LRRC4C: variants seen among roughly 807,000 people sequenced by gnomAD.
The protein encoded by LRRC4C is leucine-rich repeat-containing protein 4C.
In LRRC4C, 5 loss-of-function variants were observed where a neutral mutation model predicts 33.6. The ratio of observed to expected loss-of-function variants is 0.15; its 90% CI spans 0.08 to 0.31. The LOEUF (loss-of-function observed/expected upper bound fraction) is 0.31. Among genes scored for constraint, LRRC4C ranks in the 10% least tolerant of loss-of-function variants. LRRC4C has a pLI of 1.00. For synonymous variants in LRRC4C, 329 were observed against 302.0 expected (o/e 1.09, Z -0.93); for missense variants, 560 against 796.7 (o/e 0.70, Z 3.58).
chr11:40,444,492 C>T (rs573763731), intron 3 of LRRC4C, among the ~76,000 whole-genome samples: 1 of 151,270 alleles, frequency 6.6e-6, no homozygotes, highest in South Asian at 2.1e-4. Flanking sequence ...TTAATGTGTG[C>T]TGAGTTTAAC....
chr11:40,536,497 C>G (rs1956479647), intron 3 of LRRC4C, among the ~76,000 whole-genome samples: 1 of 149,158 alleles, frequency 6.7e-6, no homozygotes, highest in Non-Finnish European at 1.5e-5. Flanking sequence ...CGGCCCCAAA[C>G]AGTCTGTTTT....
intron 3 of LRRC4C, among the ~76,000 whole-genome samples, chr11:40,460,385 A>G (rs1190191485): frequency 6.6e-6 from 1 of 152,128 alleles, no homozygotes; most frequent in Admixed American, 6.6e-5. Context: ...TAGCTAAAAA[A>G]CAAACATGGC....
intron 2 of LRRC4C, among the ~76,000 whole-genome samples, chr11:40,695,600 A>G (rs1196445379): frequency 1.3e-5 from 2 of 152,158 alleles, no homozygotes; most frequent in African/African-American, 4.8e-5. Context: ...CAAGGGGGCT[A>G]AAGTCACGAT....
chr11:41,344,224 T>TC (rs1419416044), intron 1 of LRRC4C, among the ~76,000 whole-genome samples: 1 of 133,032 alleles, frequency 7.5e-6, no homozygotes, highest in African/African-American at 2.7e-5. Context: ...TGTGAAGCCT[T>TC]TCTTTTTTTT....
chr11:41,235,066 A>T (rs1489910904), intron 1 of LRRC4C, among the ~76,000 whole-genome samples: 1 of 151,806 alleles, frequency 6.6e-6, no homozygotes, highest in African/African-American at 2.4e-5. Flanking sequence ...ACATGTGGAT[A>T]AAAAAAAGAG....
intron 2 of LRRC4C, among the ~76,000 whole-genome samples, chr11:40,933,204 T>C (rs980199165): frequency 6.6e-6 from 1 of 152,206 alleles, no homozygotes; most frequent in Non-Finnish European, 1.5e-5. Context: ...CAACTGCAGT[T>C]AGAAAGCAGA....
intron 1 of LRRC4C, among the ~76,000 whole-genome samples, chr11:40,999,702 C>T (rs1439811273): frequency 6.6e-6 from 1 of 152,038 alleles, no homozygotes; most frequent in Non-Finnish European, 1.5e-5. Flanking sequence ...ATATGCTGGA[C>T]ACTATGTGAG....
Position 40,694,651 on chromosome 11 carries a change from A to G in LRRC4C, c.-406-46373T>C, listed in dbSNP as rs373002773. ...ACAGAACTCAAGTTCCAAGTGCCACAAGGCAACAAAGTGTCTTAGGCTAAT... is the reference window on the plus strand; with the variant it reads ...ACAGAACTCAAGTTCCAAGTGCCACGAGGCAACAAAGTGTCTTAGGCTAAT... On this transcript the variant is annotated intron_variant, in intron 2 of 6. Transcript: ENST00000528697. Among the ~76,000 whole-genome samples the G allele has an allele frequency of 4.6e-5, 7 of 152,264 alleles. 1 individual carries two copies. Among genetic ancestry groups the G allele is most frequent in the African/African-American group, 1.7e-4 (7 of 41,566 alleles).
intron 2 of LRRC4C, among the ~76,000 whole-genome samples, chr11:40,912,306 A>G (rs1005348926): frequency 0.088 from 13,368 of 151,834 alleles, 820 homozygotes; most frequent in African/African-American, 0.17. Context: ...GAAAGGTTGG[A>G]TTACCCACAA....
chr11:41,212,457 G>A (rs1422395439), intron 1 of LRRC4C, among the ~76,000 whole-genome samples: 1 of 152,216 alleles, frequency 6.6e-6, no homozygotes, highest in African/African-American at 2.4e-5. Flanking sequence ...ATGATGTGCA[G>A]GTTTGTTACA....
chr11:40,201,065 C>A (rs535805080), intron 5 of LRRC4C, among the ~76,000 whole-genome samples: 159 of 152,212 alleles, frequency 1.0e-3, no homozygotes, highest in African/African-American at 3.7e-3. Context: ...TGTGCACATG[C>A]ATGCAGGGAG....
At chr11:40,146,598 C>T (rs544886177) in intron 5 of LRRC4C, among the ~76,000 whole-genome samples, 2 of 152,264 alleles carry the variant, frequency 1.3e-5, no homozygotes, top group South Asian at 4.1e-4. Flanking sequence ...CACTCTCCAA[C>T]CTGTAGAAAA....
chr11:41,079,170 G>GTA (rs1349726675), intron 1 of LRRC4C, among the ~76,000 whole-genome samples: 10 of 152,106 alleles, frequency 6.6e-5, no homozygotes, highest in Non-Finnish European at 1.5e-4. Context: ...ACTACATTTG[G>GTA]TTATGCAAAT....
chr11:40,895,711 C>T (rs1243476891), intron 2 of LRRC4C, among the ~76,000 whole-genome samples: 2 of 152,058 alleles, frequency 1.3e-5, no homozygotes, highest in East Asian at 3.9e-4. Context: ...ATTCATTTGG[C>T]CACTGGATAC....
At chr11:40,448,436 T>A (rs1443974269) in intron 3 of LRRC4C, among the ~76,000 whole-genome samples, 1 of 151,990 alleles carries the variant, frequency 6.6e-6, no homozygotes, top group African/African-American at 2.4e-5. Flanking sequence ...GTGTGTGATA[T>A]TCCCCTCCCT....
At chr11:41,231,802 C>T (rs1331231632) in intron 1 of LRRC4C, among the ~76,000 whole-genome samples, 2 of 151,244 alleles carry the variant, frequency 1.3e-5, no homozygotes, top group Non-Finnish European at 2.9e-5. Flanking sequence ...TGTATATATA[C>T]AAATATATGT....
intron 5 of LRRC4C, among the ~76,000 whole-genome samples, chr11:40,183,122 C>A (rs1329147787): frequency 6.6e-6 from 1 of 151,992 alleles, no homozygotes; most frequent in Non-Finnish European, 1.5e-5. Flanking sequence ...AAAAAATGTA[C>A]CTTGCAAATT....
At chr11:40,427,625 C>T (rs1000916288) in intron 3 of LRRC4C, among the ~76,000 whole-genome samples, 3 of 152,082 alleles carry the variant, frequency 2.0e-5, no homozygotes, top group Admixed American at 6.5e-5. Flanking sequence ...GCCAGGAATT[C>T]GAAACCAGAG....
intron 3 of LRRC4C, among the ~76,000 whole-genome samples, chr11:40,353,987 G>A (rs757848493): frequency 5.9e-5 from 9 of 152,098 alleles, no homozygotes; most frequent in Non-Finnish European, 1.0e-4. Flanking sequence ...CTACCCATCT[G>A]TCTTAGAAAC....
Sources: gnomAD v4.1 joint callset for allele counts (sites outside exome capture counted in the v4.1 genomes callset) on GRCh38, gnomAD v4.1.1 for gene constraint, MANE v1.5 for transcripts, NCBI Gene and HGNC (gene_info 2026-07-23, HGNC 2026-07-21) for gene names.